The following FGF12 variants were observed in gnomAD, a reference collection of about 807,000 sequenced individuals.
The protein encoded by FGF12 is fibroblast growth factor 12B.
Under a neutral mutation model 23.6 loss-of-function variants are expected in FGF12, and 14 were observed. The ratio of observed to expected loss-of-function variants is 0.59; its 90% confidence interval spans 0.39 to 0.93. The LOEUF is 0.93. Ranked by LOEUF, FGF12 falls within the 40% of genes least tolerant of loss-of-function variation. The pLI is 0.00. For synonymous variants in FGF12, 62 were observed against 77.3 expected (o/e 0.80, Z 1.04); for missense variants, 175 against 217.8 (o/e 0.80, Z 1.24).
intron 2 of FGF12, among the ~76,000 whole-genome samples, chr3:192,485,032 A>G (rs1020704685): frequency 2.0e-5 from 3 of 150,658 alleles, no homozygotes; most frequent in African/African-American, 7.5e-5. Flanking sequence ...ATGTGTACAC[A>G]TAAATTTTAA....
chr3:192,318,443 G>T (rs929751376), intron 4 of FGF12, among the ~76,000 whole-genome samples: 2 of 152,142 alleles, frequency 1.3e-5, no homozygotes, highest in Admixed American at 1.3e-4. Flanking sequence ...ACATAGTGAA[G>T]AATGCATTAA....
chr3:192,399,537 A>C (rs928515648), intron 2 of FGF12, among the ~76,000 whole-genome samples: 2 of 152,240 alleles, frequency 1.3e-5, no homozygotes, highest in African/African-American at 2.4e-5. Context: ...TTAGTGTATA[A>C]AATTTCTAGG....
At chr3:192,474,762 G>A (rs1419732820) in intron 2 of FGF12, among the ~76,000 whole-genome samples, 1 of 151,928 alleles carries the variant, frequency 6.6e-6, no homozygotes, top group Non-Finnish European at 1.5e-5. Context: ...ATGTGTCCCT[G>A]TAGTCCCAGG....
chr3:192,606,169 T>A (rs532223676), intron 2 of FGF12, among the ~76,000 whole-genome samples: 23 of 152,186 alleles, frequency 1.5e-4, no homozygotes, highest in Non-Finnish European at 2.4e-4. Flanking sequence ...GCCACATATA[T>A]GCCATGGAAT....
At chr3:192,469,560 T>C (rs1335913488) in intron 2 of FGF12, among the ~76,000 whole-genome samples, 2 of 152,192 alleles carry the variant, frequency 1.3e-5, no homozygotes, top group South Asian at 2.1e-4. Context: ...CACAAAAGTG[T>C]GTATGTTTAC....
In FGF12 at chr3:192,197,457, T is replaced by C. The variant is rs116669762; in HGVS notation, c.229-26801A>G. 6.2e-3 allele frequency among the ~76,000 whole-genome samples: 938 copies of C among 152,354 alleles called. 12 individuals are homozygous for C. Among genetic ancestry groups the C allele is most frequent in the East Asian group, 0.032 (165 of 5,180 alleles). On this transcript the variant is annotated intron_variant, in intron 4 of 5. Transcript: ENST00000445105. ...AGTGTTGTGTTGTTATATCTCCTTT[T>C]TTGTCTAGCTTTTATAAAATGATCT...
chr3:192,143,972 G>T lies in FGF12; in HGVS notation c.*37C>A. On this transcript the variant is annotated 3_prime_UTR_variant, in exon 6 of 6. Coordinates refer to ENST00000445105, the MANE Select transcript of FGF12 (RefSeq NM_004113.6). Reference sequence around the variant, plus strand: ...GGGTAAATGGGAAGGAAGGGAAGGGGAAGGGATGAGAGAGGGAAGAAGGGG... The same window carrying T: ...GGGTAAATGGGAAGGAAGGGAAGGGTAAGGGATGAGAGAGGGAAGAAGGGG... The T allele has an allele frequency of 8.1e-7, 1 of 1,230,312 alleles. No individual in the cohort carries two copies. The highest frequency in any genetic ancestry group is 1.2e-6 in the Non-Finnish European group (1 of 832,474). The allele number at this position is 1,230,312 out of a possible 1,614,324, so 76.2% of individuals were successfully genotyped here.
chr3:192,269,021 T>A (rs1713258337), intron 4 of FGF12, among the ~76,000 whole-genome samples: 1 of 152,084 alleles, frequency 6.6e-6, no homozygotes, highest in East Asian at 1.9e-4. Context: ...TTCAAGTGAT[T>A]CTCCTGCCTC....
At chr3:192,716,744 G>A (rs1995575) in intron 2 of FGF12, among the ~76,000 whole-genome samples, 8,967 of 152,178 alleles carry the variant, frequency 0.059, 474 homozygotes, top group East Asian at 0.19. Context: ...TATTTTCCTC[G>A]TTTGTCTCAT....
At chr3:192,502,670 C>T (rs1047953443) in intron 2 of FGF12, among the ~76,000 whole-genome samples, 3 of 152,170 alleles carry the variant, frequency 2.0e-5, no homozygotes, top group South Asian at 2.1e-4. Context: ...GTGGTACAAG[C>T]GTTTCTCCTA....
At chr3:192,158,413 TTC>T (rs1385431512) in intron 5 of FGF12, among the ~76,000 whole-genome samples, 8 of 7,022 alleles carry the variant, frequency 1.1e-3, no homozygotes, top group Admixed American at 2.8e-3. Flanking sequence ...TTTTCTTTCT[TTC>T]TCTTTCTTTT....
At chr3:192,328,911 T>A (rs1716966667) in intron 4 of FGF12, among the ~76,000 whole-genome samples, 1 of 152,244 alleles carries the variant, frequency 6.6e-6, no homozygotes, top group Non-Finnish European at 1.5e-5. Flanking sequence ...TTAGGTTTAC[T>A]GAGATTGCTT....
rs1184343971 is a variant in FGF12 at position 192,581,438 on chromosome 3, GTA to G, written c.13+145741_13+145742del. Among the ~76,000 whole-genome samples the G allele has an allele frequency of 7.0e-5, 10 of 142,022 alleles. No individual in the cohort carries two copies. The East Asian group carries it at 8.2e-4, about 12-fold the overall frequency. The allele number at this position is 142,022 out of a possible 152,430, so 93.2% of individuals were successfully genotyped here. A position where few individuals can be genotyped will look rare whatever the true frequency, so the allele number is the denominator to read the frequency against. On this transcript the variant is annotated intron_variant, in intron 2 of 5. Coordinates refer to ENST00000445105, the MANE Select transcript of FGF12 (RefSeq NM_004113.6). ...TATATATGTGTGTGTATATATATAT[GTA>G]TATATATGTGTGTGTATATATATAT...
At chr3:192,211,842 T>C (rs1234594731) in intron 4 of FGF12, among the ~76,000 whole-genome samples, 1 of 152,198 alleles carries the variant, frequency 6.6e-6, no homozygotes, top group Non-Finnish European at 1.5e-5. Flanking sequence ...AAAGACATAA[T>C]ACAAAATAGC....
At chr3:192,636,873 AC>A (rs1715602759) in intron 2 of FGF12, among the ~76,000 whole-genome samples, 1 of 152,214 alleles carries the variant, frequency 6.6e-6, no homozygotes, top group Admixed American at 6.5e-5. Context: ...TGGCCAGGGT[AC>A]TAAGAAAGGC....
At chr3:192,377,966 T>TAAAC (rs1719597889) in intron 2 of FGF12, among the ~76,000 whole-genome samples, 2 of 151,240 alleles carry the variant, frequency 1.3e-5, no homozygotes, top group African/African-American at 4.9e-5. Flanking sequence ...GGAAAAAATG[T>TAAAC]CTTTTCTGGT....
intron 2 of FGF12, among the ~76,000 whole-genome samples, chr3:192,567,049 A>G (rs1039746307): frequency 6.6e-6 from 1 of 152,156 alleles, no homozygotes; most frequent in African/African-American, 2.4e-5. Context: ...TCCCACAGAT[A>G]CTTTCTCTCG....
At chr3:192,472,389 C>G (rs894314841) in intron 2 of FGF12, among the ~76,000 whole-genome samples, 2 of 152,138 alleles carry the variant, frequency 1.3e-5, no homozygotes, top group African/African-American at 4.8e-5. Flanking sequence ...GTCATCCAGT[C>G]CAGCTACACC....
chr3:192,167,772 A>ATATATT lies in FGF12; in HGVS notation c.427+2685_427+2686insAATATA, dbSNP rs1715302128. 1.6e-3 allele frequency among the ~76,000 whole-genome samples: 24 copies of ATATATT among 15,394 alleles called. 1 individual carries two copies. The highest frequency in any genetic ancestry group is 5.0e-3 in the South Asian group (2 of 404). The allele number at this position is 15,394 out of a possible 152,430, so 10.1% of individuals were successfully genotyped here. A position where few individuals can be genotyped will look rare whatever the true frequency, so the allele number is the denominator to read the frequency against. On this transcript the variant is annotated intron_variant, in intron 5 of 5. Transcript: ENST00000445105. ...ATATATATATATATATATATATAAA[A>ATATATT]TTTTTTTTTTTTTTTTTTTTTGAGA...
Sources: allele counts gnomAD v4.1 joint callset (sites outside exome capture counted in the v4.1 genomes callset), GRCh38; gene constraint gnomAD v4.1.1; transcripts MANE v1.5; gene names NCBI Gene and HGNC (gene_info 2026-07-23, HGNC 2026-07-21).